The following CCAR1 variants were observed in gnomAD, a reference collection of about 807,000 sequenced individuals.
The protein encoded by CCAR1 is cell division cycle and apoptosis regulator protein 1.
A neutral mutation model predicts 163.8 loss-of-function variants in CCAR1; 78 were observed. The observed-to-expected ratio is 0.48, with a 90% CI of 0.40 to 0.57. The LOEUF (loss-of-function observed/expected upper bound fraction) is 0.57, where lower values mean the gene tolerates loss of function less well. CCAR1 is among the 20% of genes least tolerant of loss of function. The pLI is 0.00. For synonymous variants in CCAR1, 443 were observed against 460.7 expected (o/e 0.96, Z 0.49); for missense variants, 1,019 against 1,365.2 (o/e 0.75, Z 4.00).
At chr10:68,723,808 A>T (rs2055897774) in intron 2 of CCAR1, among the ~76,000 whole-genome samples, 1 of 149,404 alleles carries the variant, frequency 6.7e-6, no homozygotes, top group Non-Finnish European at 1.5e-5. Context: ...AGATCGCGCC[A>T]CTGCACTTCA....
chr10:68,738,439 A>T (rs2056141375), intron 4 of CCAR1, among the ~76,000 whole-genome samples: 1 of 152,086 alleles, frequency 6.6e-6, no homozygotes, highest in Non-Finnish European at 1.5e-5. Context: ...AAAAAAAAAT[A>T]AAAAAGTATG....
intron 17 of CCAR1, among the ~76,000 whole-genome samples, chr10:68,768,975 C>A (rs944019840): frequency 6.6e-6 from 1 of 152,148 alleles, no homozygotes; most frequent in African/African-American, 2.4e-5. Context: ...TCAACCATTT[C>A]AAGTTTTAAC....
chr10:68,729,185 T>C (rs949142593), intron 2 of CCAR1, among the ~76,000 whole-genome samples: 8 of 152,118 alleles, frequency 5.3e-5, no homozygotes, highest in African/African-American at 1.9e-4. Context: ...TTATATAAGA[T>C]CATAACACTT....
intron 2 of CCAR1, among the ~76,000 whole-genome samples, chr10:68,731,913 A>C (rs2056044878): frequency 1.3e-5 from 2 of 152,102 alleles, no homozygotes; most frequent in Admixed American, 6.6e-5. Flanking sequence ...TTTCTAACTC[A>C]TCACATGGAC....
intron 18 of CCAR1, among the ~76,000 whole-genome samples, chr10:68,772,280 C>T (rs1222937370): frequency 6.6e-6 from 1 of 151,880 alleles, no homozygotes; most frequent in Non-Finnish European, 1.5e-5. Context: ...TCCAGTAGTT[C>T]AAGACCATCC....
At chr10:68,738,626 A>G (rs933130522) in intron 4 of CCAR1, among the ~76,000 whole-genome samples, 2 of 152,028 alleles carry the variant, frequency 1.3e-5, no homozygotes, top group African/African-American at 4.8e-5. Context: ...TATTTTTAAA[A>G]ATTTTTGTTA....
At chr10:68,781,920 A>G (rs1255351641) in intron 19 of CCAR1, among the ~76,000 whole-genome samples, 1 of 152,144 alleles carries the variant, frequency 6.6e-6, no homozygotes, top group African/African-American at 2.4e-5. Flanking sequence ...AAACCTAAAA[A>G]TCGTTAAAGT....
At chr10:68,762,284 G>A (rs1412525267) in intron 16 of CCAR1, among the ~76,000 whole-genome samples, 3 of 151,412 alleles carry the variant, frequency 2.0e-5, no homozygotes, top group African/African-American at 7.3e-5. Flanking sequence ...AGCCCAGATT[G>A]CGCCACTGCA....
At chr10:68,772,009 T>C (rs533386567) in intron 18 of CCAR1, among the ~76,000 whole-genome samples, 1 of 151,930 alleles carries the variant, frequency 6.6e-6, no homozygotes, top group South Asian at 2.1e-4. Flanking sequence ...TAGCTGAGAC[T>C]ACAGGTGCAC....
chr10:68,736,945 T>C lies in CCAR1; in HGVS notation c.143T>C (p.Leu48Ser), dbSNP rs2056118947. 1 of 1,613,992 alleles carries C rather than the reference T, an allele frequency of 6.2e-7. No individual in the cohort carries two copies. Among genetic ancestry groups the C allele is most frequent in the Non-Finnish European group, 8.5e-7 (1 of 1,179,980 alleles). ...ACCATTTATACACAGCAAACTGCAT[T>C]GGCAGCAGCAGGCCTTACCACACAA... ...SPTIYTQQTALAAAGLTTQTP... is the reference protein window; with the variant it reads ...SPTIYTQQTASAAAGLTTQTP... The change falls in exon 3 of 25, where the codon TTG (leucine) becomes TCG (serine). Residue 48 changes from leucine (L) to serine (S), a missense_variant. Leu to Ser is a moderately radical substitution (Grantham distance 145, BLOSUM62 -2). Transcript: ENST00000265872.
intron 6 of CCAR1, 33 bp from the exon 7 acceptor site, chr10:68,747,128 T>C (rs1162143075): frequency 8.9e-7 from 1 of 1,120,440 alleles, no homozygotes; most frequent in Non-Finnish European, 1.3e-6. Context: ...ATTGTATTTA[T>C]ATTTAACTTT....
chr10:68,734,846 A>G (rs974016058), intron 2 of CCAR1, among the ~76,000 whole-genome samples: 14 of 152,148 alleles, frequency 9.2e-5, no homozygotes, highest in African/African-American at 3.4e-4. Flanking sequence ...TCTGCATTTA[A>G]TGGAATTGGG....
At chr10:68,740,249 A>G (rs2056165765) in intron 4 of CCAR1, among the ~76,000 whole-genome samples, 1 of 152,186 alleles carries the variant, frequency 6.6e-6, no homozygotes, top group Non-Finnish European at 1.5e-5. Context: ...CAGGTTCTGT[A>G]TTTTTATTAA....
chr10:68,728,953 G>GAA (rs746099335), intron 2 of CCAR1, among the ~76,000 whole-genome samples: 15 of 107,836 alleles, frequency 1.4e-4, no homozygotes, highest in African/African-American at 4.5e-4. Flanking sequence ...CTCCGTCCCA[G>GAA]AAAAAAAAAA....
Position 68,767,739 on chromosome 10 carries a change from GA to G in CCAR1, c.2298+1662del, listed in dbSNP as rs551419808. 1.0e-3 allele frequency among the ~76,000 whole-genome samples: 156 copies of G among 152,244 alleles called. 1 individual carries two copies. The highest frequency in any genetic ancestry group is 3.7e-3 in the African/African-American group (152 of 41,552). ...TTTGCATGTTGGCCAGTCTGATCTT[GA>G]ACTCTTGACCTCAGGTGATCCACTC... On this transcript the variant is annotated intron_variant, in intron 17 of 24. Coordinates refer to ENST00000265872, the MANE Select transcript of CCAR1 (RefSeq NM_018237.4).
chr10:68,726,556 C>G (rs1369301108), intron 2 of CCAR1, among the ~76,000 whole-genome samples: 1 of 152,100 alleles, frequency 6.6e-6, no homozygotes, highest in Non-Finnish European at 1.5e-5. Context: ...TGGTGATACT[C>G]TATCTTTAGT....
At chr10:68,771,003 G>A (rs1198518212) in intron 17 of CCAR1, among the ~76,000 whole-genome samples, 4 of 152,092 alleles carry the variant, frequency 2.6e-5, no homozygotes, top group African/African-American at 4.8e-5. Flanking sequence ...GCGTGAACCC[G>A]GGAGGTGGAG....
At chr10:68,790,691 G>C (rs1176115414) in intron 24 of CCAR1, among the ~76,000 whole-genome samples, 1 of 151,974 alleles carries the variant, frequency 6.6e-6, no homozygotes, top group African/African-American at 2.4e-5. Flanking sequence ...AGCACACCCA[G>C]CTAATTTTTA....
Position 68,759,807 on chromosome 10 carries a change from T to A in CCAR1, c.1921-1200T>A, listed in dbSNP as rs146306243. Among the ~76,000 whole-genome samples, 232 of 152,308 alleles carry A rather than the reference T, an allele frequency of 1.5e-3. 2 individuals carry two copies. The highest frequency in any genetic ancestry group is 0.014 in the East Asian group (73 of 5,182). On this transcript the variant is annotated intron_variant, in intron 15 of 24. Coordinates refer to ENST00000265872, the MANE Select transcript of CCAR1 (RefSeq NM_018237.4). ...TTAATTTTATCCATGTAATTATTTT[T>A]AAATATTTTATACTATTCAATTAAA... is the stretch of plus-strand genomic sequence containing the variant.
Sources: gnomAD v4.1 joint callset for allele counts (sites outside exome capture counted in the v4.1 genomes callset) on GRCh38, gnomAD v4.1.1 for gene constraint, MANE v1.5 for transcripts, NCBI Gene and HGNC (gene_info 2026-07-23, HGNC 2026-07-21) for gene names.